SMCO2: variants seen among roughly 807,000 people sequenced by gnomAD.
The protein encoded by SMCO2 is single-pass membrane protein with coiled-coil domains 2, also known as single-pass membrane and coiled-coil domain-containing protein 2.
SMCO2 carries 25 observed loss-of-function variants against 29.5 expected under a neutral mutation model. That is an observed-to-expected ratio of 0.85 (90% CI 0.62 to 1.18). The LOEUF is 1.18. Ranked by LOEUF, SMCO2 falls within the 50% of genes most tolerant of loss-of-function variation. SMCO2 has a pLI of 0.00. For synonymous variants in SMCO2, 117 were observed against 123.3 expected (o/e 0.95, Z 0.34); for missense variants, 348 against 344.5 (o/e 1.01, Z -0.08).
intron 1 of SMCO2, 25 bp from the exon 2 acceptor site, chr12:27,470,597 C>T: frequency 6.5e-7 from 1 of 1,545,192 alleles, no homozygotes; most frequent in Non-Finnish European, 8.7e-7. Context: ...TAAAATCCCT[C>T]TTGTTGTCAT....
At chr12:27,466,772 A>G (rs1013163088), upstream of SMCO2, 3 of 152,390 alleles carry the variant, frequency 2.0e-5, no homozygotes, top group African/African-American at 7.2e-5. Flanking sequence ...CTGCATTCCA[A>G]GTGAAATGTT....
rs1943037582 is a variant in SMCO2, at chr12:27,498,430, T to G, written c.683+2575T>G. 1.4e-5 allele frequency: 3 copies of G among 216,116 alleles called. 1 individual carries two copies. The highest frequency in any genetic ancestry group is 1.4e-4 in the Admixed American group (3 of 21,860). The allele number at this position is 216,116 out of a possible 1,614,324, so 13.4% of individuals were successfully genotyped here. On this transcript the variant is annotated intron_variant, in intron 7 of 7. Transcript: ENST00000298876. ...TTCTATATATGAGCTGGCAGCTACT[T>G]TCACAGAGTTCTATGATAGCTGCTA...
At chr12:27,458,315 T>C in the SMCO2 span, among the ~76,000 whole-genome samples, 1 of 152,202 alleles carries the variant, frequency 6.6e-6, no homozygotes, top group Non-Finnish European at 1.5e-5. Context: ...TTAAACTTCC[T>C]GAAAGAGTTT....
chr12:27,479,775 A>T (rs1426175527), intron 4 of SMCO2, among the ~76,000 whole-genome samples: 1 of 152,176 alleles, frequency 6.6e-6, no homozygotes. Context: ...ACCATGTAAG[A>T]CATCCCTTTG....
chr12:27,428,834 T>TTTTA, the SMCO2 span, among the ~76,000 whole-genome samples: 3 of 151,212 alleles, frequency 2.0e-5, no homozygotes, highest in African/African-American at 7.3e-5. Flanking sequence ...TTTTTTTTTT[T>TTTTA]TTACAAAACT....
the SMCO2 span, among the ~76,000 whole-genome samples, chr12:27,442,591 C>T: frequency 6.6e-6 from 1 of 152,202 alleles, no homozygotes; most frequent in African/African-American, 2.4e-5. Context: ...GACTTCACTG[C>T]TGAATTCTAC....
intron 4 of SMCO2, among the ~76,000 whole-genome samples, chr12:27,486,334 C>T (rs989340822): frequency 1.3e-5 from 2 of 152,174 alleles, no homozygotes; most frequent in African/African-American, 2.4e-5. Flanking sequence ...TCACGGAGAC[C>T]ACCAGCCTTC....
At chr12:27,471,917 G>T (rs1949544176) in intron 2 of SMCO2, among the ~76,000 whole-genome samples, 2 of 152,182 alleles carry the variant, frequency 1.3e-5, no homozygotes, top group Admixed American at 6.5e-5. Flanking sequence ...TGACCTAGAA[G>T]TTCTACTTTT....
chr12:27,501,277 G>A (rs1303178487), intron 7 of SMCO2, among the ~76,000 whole-genome samples: 4 of 148,422 alleles, frequency 2.7e-5, no homozygotes, highest in Non-Finnish European at 5.9e-5. Flanking sequence ...TTAGCCGGGC[G>A]TGGTGGTGGG....
intron 5 of SMCO2, among the ~76,000 whole-genome samples, chr12:27,493,491 C>T (rs1304783780): frequency 6.6e-6 from 1 of 151,992 alleles, no homozygotes; most frequent in Non-Finnish European, 1.5e-5. Flanking sequence ...CATGATCACA[C>T]CACTGCACTC....
chr12:27,437,548 G>C, the SMCO2 span, among the ~76,000 whole-genome samples: 1 of 152,076 alleles, frequency 6.6e-6, no homozygotes, highest in African/African-American at 2.4e-5. Context: ...CCAAAGCGTA[G>C]ATTTCATTTA....
At chr12:27,474,064 G>T (rs1261641693) in intron 3 of SMCO2, among the ~76,000 whole-genome samples, 1 of 152,110 alleles carries the variant, frequency 6.6e-6, no homozygotes. Context: ...TTAGAATTAT[G>T]CAATGATTAA....
intron 4 of SMCO2, among the ~76,000 whole-genome samples, chr12:27,477,634 C>CTTTTTTTTT (rs3051833): frequency 6.0e-4 from 66 of 109,612 alleles, no homozygotes; most frequent in African/African-American, 8.0e-4. Context: ...CTTTTTCATT[C>CTTTTTTTTT]TTTTTTTTTT....
intron 4 of SMCO2, 40 bp from the exon 5 acceptor site, chr12:27,475,542 A>G: frequency 1.3e-6 from 2 of 1,499,352 alleles, no homozygotes; most frequent in Non-Finnish European, 1.8e-6. Flanking sequence ...ATTGTTTCCC[A>G]TTTTCTGCTT....
At chr12:27,491,708 ATCT>A (rs1423570205) in intron 5 of SMCO2, among the ~76,000 whole-genome samples, 1 of 145,838 alleles carries the variant, frequency 6.9e-6, no homozygotes, top group Non-Finnish European at 1.5e-5. Context: ...ATATATATAG[ATCT>A]TTTTTTTTTT....
chr12:27,466,655 G>T (rs911972567), upstream of SMCO2, among the ~76,000 whole-genome samples: 1 of 152,184 alleles, frequency 6.6e-6, no homozygotes, highest in African/African-American at 2.4e-5. Flanking sequence ...AGTCTCCAGA[G>T]TTAGCAAGAG....
intron 5 of SMCO2, among the ~76,000 whole-genome samples, chr12:27,490,920 C>T (rs946677353): frequency 1.3e-5 from 2 of 151,902 alleles, no homozygotes; most frequent in African/African-American, 2.4e-5. Context: ...CCTGGGCAGC[C>T]GAGTGAGACA....
the SMCO2 span, among the ~76,000 whole-genome samples, chr12:27,458,267 A>T: frequency 6.6e-6 from 1 of 152,182 alleles, no homozygotes; most frequent in South Asian, 2.1e-4. Context: ...AACAGATTAA[A>T]TTCCTCAAAC....
chr12:27,502,072 TGAGA>T lies in SMCO2; in HGVS notation c.837_840del (p.Arg279SerfsTer4). Reference sequence around the variant, plus strand: ...CGCACCACATGGGACCTACGGGAGATGAGAGAGCCTTTCTTGAATTTGGAAGTGG... The same window carrying T: ...CGCACCACATGGGACCTACGGGAGATGAGCCTTTCTTGAATTTGGAAGTGG... On this transcript the variant is annotated frameshift_variant, in exon 8 of 8. Coordinates refer to ENST00000298876, the Ensembl canonical transcript of SMCO2. LOFTEE classifies it high-confidence loss of function. 1 of 1,544,774 alleles carries T rather than the reference TGAGA, an allele frequency of 6.5e-7. No individual in the cohort carries two copies. The highest frequency in any genetic ancestry group is 8.7e-7 in the Non-Finnish European group (1 of 1,144,900).
Sources: gnomAD v4.1 joint callset for allele counts (sites outside exome capture counted in the v4.1 genomes callset) on GRCh38, gnomAD v4.1.1 for gene constraint, MANE v1.5 for transcripts, NCBI Gene and HGNC (gene_info 2026-07-23, HGNC 2026-07-21) for gene names.